The following LPP variants were observed in gnomAD, a reference collection of about 807,000 sequenced individuals.
The protein encoded by LPP is LIM domain containing preferred translocation partner in lipoma.
Under a neutral mutation model 60.4 loss-of-function variants are expected in LPP, and 38 were observed. The ratio of observed to expected loss-of-function variants is 0.63; its 90% CI spans 0.49 to 0.83. LPP has a LOEUF of 0.83. LPP is among the 40% of genes least tolerant of loss of function. LPP has a pLI of 0.00. For synonymous variants in LPP, 328 were observed against 290.8 expected (o/e 1.13, Z -1.30); for missense variants, 902 against 783.6 (o/e 1.15, Z -1.80).
intron 5 of LPP, among the ~76,000 whole-genome samples, chr3:188,507,302 A>T (rs753522572): frequency 3.3e-5 from 5 of 152,088 alleles, no homozygotes; most frequent in African/African-American, 4.8e-5. Flanking sequence ...ATACTGACTC[A>T]GGGTGGTGGG....
At chr3:188,507,533 C>G (rs1813906962) in intron 5 of LPP, among the ~76,000 whole-genome samples, 1 of 151,566 alleles carries the variant, frequency 6.6e-6, no homozygotes, top group Non-Finnish European at 1.5e-5. Flanking sequence ...CCGTTTTTCT[C>G]TTGATGAAAC....
intron 1 of LPP, among the ~76,000 whole-genome samples, chr3:188,214,099 C>T (rs771513531): frequency 2.6e-5 from 4 of 151,732 alleles, no homozygotes; most frequent in Non-Finnish European, 5.9e-5. Context: ...TCTTTGTAGT[C>T]AGCTCAGTTT....
intron 2 of LPP, among the ~76,000 whole-genome samples, chr3:188,322,120 A>G (rs936949110): frequency 1.1e-4 from 16 of 152,222 alleles, no homozygotes; most frequent in African/African-American, 3.9e-4. Flanking sequence ...CTAAGGGCCT[A>G]AGGACTGGAT....
At chr3:188,173,685 T>C (rs1426275969) in intron 1 of LPP, among the ~76,000 whole-genome samples, 1 of 152,156 alleles carries the variant, frequency 6.6e-6, no homozygotes, top group African/African-American at 2.4e-5. Flanking sequence ...TTCCCCTGAT[T>C]TATCTCCCTG....
intron 2 of LPP, among the ~76,000 whole-genome samples, chr3:188,333,339 C>T (rs1760680118): frequency 6.6e-6 from 1 of 152,122 alleles, no homozygotes; most frequent in Non-Finnish European, 1.5e-5. Context: ...TATCACAAGA[C>T]CAGATCTGCC....
chr3:188,319,357 T>C (rs1756264600), intron 2 of LPP, among the ~76,000 whole-genome samples: 1 of 152,240 alleles, frequency 6.6e-6, no homozygotes, highest in African/African-American at 2.4e-5. Context: ...ATTTTTCAGT[T>C]ACCAATTCCT....
intron 8 of LPP, among the ~76,000 whole-genome samples, chr3:188,730,558 C>G (rs1720080492): frequency 6.6e-6 from 1 of 152,142 alleles, no homozygotes; most frequent in East Asian, 1.9e-4. Flanking sequence ...CATATTTAAC[C>G]TTTGTTCAAA....
intron 1 of LPP, among the ~76,000 whole-genome samples, chr3:188,176,989 T>C (rs897622572): frequency 1.4e-4 from 22 of 152,206 alleles, no homozygotes; most frequent in African/African-American, 4.3e-4. Context: ...GAAATAGACT[T>C]AGCTTAAGCA....
chr3:188,644,340 G>A (rs1157678509), intron 7 of LPP, among the ~76,000 whole-genome samples: 1 of 152,180 alleles, frequency 6.6e-6, no homozygotes, highest in Non-Finnish European at 1.5e-5. Flanking sequence ...CGTTTGGTAG[G>A]ATGAAATGGT....
At chr3:188,793,234 G>C (rs1577589052) in intron 9 of LPP, among the ~76,000 whole-genome samples, 2 of 149,736 alleles carry the variant, frequency 1.3e-5, no homozygotes, top group Admixed American at 1.3e-4. Context: ...CCAGCCTGGA[G>C]TGCAGTGGCA....
At chr3:188,573,644 A>T (rs1264949911) in intron 6 of LPP, among the ~76,000 whole-genome samples, 2 of 152,154 alleles carry the variant, frequency 1.3e-5, no homozygotes, top group Admixed American at 1.3e-4. Context: ...TGATCAATAC[A>T]CAATTACCAA....
At chr3:188,711,527 G>T (rs773024732) in intron 8 of LPP, 4 of 152,108 alleles carry the variant, frequency 2.6e-5, no homozygotes, top group Non-Finnish European at 5.9e-5. Flanking sequence ...ATTAGCTTTG[G>T]ACAGATGGGA....
chr3:188,516,667 C>T (rs573416181), intron 5 of LPP, among the ~76,000 whole-genome samples: 20 of 137,516 alleles, frequency 1.5e-4, no homozygotes, highest in Admixed American at 2.7e-4. Context: ...AAAGTGAGAA[C>T]ACCTCACTTT....
chr3:188,426,524 G>A lies in LPP; in HGVS notation c.193+20211G>A, dbSNP rs538528784. Among the ~76,000 whole-genome samples the A allele has an allele frequency of 1.1e-4, 17 of 152,160 alleles. No individual in the cohort carries two copies. In the South Asian group the frequency reaches 2.9e-3, roughly 26 times the overall value. The stretch of plus-strand genomic sequence containing the variant: ...GATATCCTTGTTAACCTTCTGTCTC[G>A]TTGATCTGTCTAATATTGACAGTGG... On this transcript the variant is annotated intron_variant, in intron 4 of 11. Coordinates refer to ENST00000617246, the MANE Select transcript of LPP (RefSeq NM_001375462.1).
chr3:188,360,444 C>A (rs539658085), intron 3 of LPP, among the ~76,000 whole-genome samples: 121 of 152,246 alleles, frequency 7.9e-4, no homozygotes, highest in African/African-American at 2.8e-3. Flanking sequence ...TTCTTCTTCT[C>A]TTCCTCCCTT....
intron 9 of LPP, among the ~76,000 whole-genome samples, chr3:188,765,302 A>G (rs1211031032): frequency 1.6e-5 from 1 of 63,654 alleles, no homozygotes; most frequent in African/African-American, 8.2e-5. Flanking sequence ...CACACAACAC[A>G]CACACACACA....
intron 6 of LPP, among the ~76,000 whole-genome samples, chr3:188,585,607 CA>C (rs1031214693): frequency 6.6e-6 from 1 of 152,220 alleles, no homozygotes; most frequent in African/African-American, 2.4e-5. Context: ...CTTAGACATA[CA>C]TACTGCTTTC....
At chr3:188,533,642 G>A (rs536303166) in intron 6 of LPP, among the ~76,000 whole-genome samples, 1 of 152,272 alleles carries the variant, frequency 6.6e-6, no homozygotes, top group South Asian at 2.1e-4. Context: ...ATGTTAAGTG[G>A]AATACAGTAA....
chr3:188,497,111 A>G (rs944634015), intron 5 of LPP, among the ~76,000 whole-genome samples: 2 of 151,966 alleles, frequency 1.3e-5, no homozygotes, highest in Non-Finnish European at 2.9e-5. Flanking sequence ...AATTTGGTTT[A>G]TGAGAGGCTT....
Sources: gnomAD v4.1 joint callset for allele counts (sites outside exome capture counted in the v4.1 genomes callset) on GRCh38, gnomAD v4.1.1 for gene constraint, MANE v1.5 for transcripts, NCBI Gene and HGNC (gene_info 2026-07-23, HGNC 2026-07-21) for gene names.